CPE: variants seen among roughly 807,000 people sequenced by gnomAD.
CPE encodes the protein carbocypeptidase E.
In CPE, 17 loss-of-function variants were observed where a neutral mutation model predicts 53.5. That is an observed-to-expected ratio of 0.32 (90% CI 0.22 to 0.48). The LOEUF (loss-of-function observed/expected upper bound fraction) is 0.48, where lower values mean the gene tolerates loss of function less well. Among genes scored for constraint, CPE ranks in the 20% least tolerant of loss-of-function variants. CPE has a pLI of 0.99. For synonymous variants in CPE, 226 were observed against 228.8 expected, an observed-to-expected ratio of 0.99 and a Z score of 0.11; for missense variants, 524 against 614.7, an observed-to-expected ratio of 0.85 and a Z score of 1.56.
intron 1 of CPE, among the ~76,000 whole-genome samples, chr4:165,446,625 G>A (rs1179599592): frequency 1.3e-5 from 2 of 152,184 alleles, no homozygotes; most frequent in Non-Finnish European, 2.9e-5. Flanking sequence ...TGGGATTACA[G>A]GCATGAGCCA....
At chr4:165,395,520 A>C (rs1730749107) in intron 1 of CPE, among the ~76,000 whole-genome samples, 1 of 152,224 alleles carries the variant, frequency 6.6e-6, no homozygotes, top group Non-Finnish European at 1.5e-5. Context: ...CAGACTAATA[A>C]AAATGACTTA....
intron 3 of CPE, among the ~76,000 whole-genome samples, chr4:165,482,038 T>C (rs901873005): frequency 6.6e-6 from 1 of 152,218 alleles, no homozygotes; most frequent in Non-Finnish European, 1.5e-5. Flanking sequence ...TTTTGAAACA[T>C]TTTTTATTAA....
chr4:165,384,647 A>T (rs1403863280), intron 1 of CPE, among the ~76,000 whole-genome samples: 1 of 152,224 alleles, frequency 6.6e-6, no homozygotes, highest in Non-Finnish European at 1.5e-5. Flanking sequence ...ACAATAAAAA[A>T]GGGAGCTTAT....
rs1195800498 is a variant in CPE at position 165,487,381 on chromosome 4, G to A, written c.974-57G>A. 12 of 1,605,324 alleles carry A rather than the reference G, an allele frequency of 7.5e-6. No homozygotes were observed. In the Admixed American group the frequency reaches 1.7e-4, roughly 22 times the overall value. ...GGTTCTTGATTCAGAAGACTAGCCTGTGTAGAGTTTTAGGCTCCTTGTGCA... is the reference window on the plus strand; with the variant it reads ...GGTTCTTGATTCAGAAGACTAGCCTATGTAGAGTTTTAGGCTCCTTGTGCA... On this transcript the variant is annotated intron_variant, in intron 5 of 8. Transcript: ENST00000402744.
intron 1 of CPE, among the ~76,000 whole-genome samples, chr4:165,459,642 G>A (rs1257634170): frequency 2.9e-5 from 4 of 137,436 alleles, no homozygotes; most frequent in African/African-American, 1.1e-4. Context: ...GGTGGCTCAC[G>A]TCTGTAATCC....
intron 1 of CPE, among the ~76,000 whole-genome samples, chr4:165,444,614 C>T (rs942529242): frequency 6.6e-6 from 1 of 152,208 alleles, no homozygotes; most frequent in Non-Finnish European, 1.5e-5. Flanking sequence ...GCTATTGCTG[C>T]CCCAGCTTCT....
intron 1 of CPE, among the ~76,000 whole-genome samples, chr4:165,464,118 T>A (rs1452488875): frequency 6.6e-6 from 1 of 152,222 alleles, no homozygotes; most frequent in African/African-American, 2.4e-5. Flanking sequence ...AATTTAACCC[T>A]AATTACCTCC....
In CPE at chr4:165,379,071, T is replaced by A. The variant is rs1001192073; in HGVS notation, c.-151T>A. 7.3e-6 allele frequency: 5 copies of A among 680,488 alleles called. No individual in the cohort carries two copies. Among genetic ancestry groups the A allele is most frequent in the African/African-American group, 1.9e-5 (1 of 53,014 alleles). The allele number at this position is 680,488 out of a possible 1,614,324, so 42.2% of individuals were successfully genotyped here. ...CTCTGGGTGGCCCCAGTGCGCGGGC[T>A]GACACTCATTCAGCCGGGGAAGGTG... On this transcript the variant is annotated 5_prime_UTR_variant, in exon 1 of 9. Coordinates refer to ENST00000402744, the MANE Select transcript of CPE (RefSeq NM_001873.4). The surrounding 1 kb of genome is among the most constrained non-coding windows in gnomAD (Gnocchi z 6.0).
chr4:165,497,475 A>C, intron 8 of CPE, 37 bp from the exon 9 acceptor site: 2 of 1,169,674 alleles, frequency 1.7e-6, no homozygotes, highest in East Asian at 2.7e-5. Flanking sequence ...AAACACATGC[A>C]GTTTGATAAT....
intron 3 of CPE, among the ~76,000 whole-genome samples, chr4:165,469,709 G>A (rs2126703960): frequency 6.6e-6 from 1 of 152,196 alleles, no homozygotes; most frequent in African/African-American, 2.4e-5. Context: ...TTTCCCCTTT[G>A]ATTCTAGAAT....
chr4:165,442,853 C>T (rs1161457750), intron 1 of CPE, among the ~76,000 whole-genome samples: 2 of 152,164 alleles, frequency 1.3e-5, no homozygotes, highest in Non-Finnish European at 2.9e-5. Flanking sequence ...TAAGTCAGAG[C>T]ACTATGAGAA....
chr4:165,494,214 G>A (rs1284311455), intron 7 of CPE, among the ~76,000 whole-genome samples: 1 of 152,216 alleles, frequency 6.6e-6, no homozygotes, highest in Non-Finnish European at 1.5e-5. Flanking sequence ...GCCCTTAGCT[G>A]AGAGGGTGAA....
At chr4:165,425,858 C>T (rs1458382874) in intron 1 of CPE, among the ~76,000 whole-genome samples, 2 of 152,128 alleles carry the variant, frequency 1.3e-5, no homozygotes, top group African/African-American at 4.8e-5. Flanking sequence ...GCCATAGATG[C>T]TGCTAAATAT....
chr4:165,433,914 T>G (rs1305093891), intron 1 of CPE, among the ~76,000 whole-genome samples: 1 of 152,182 alleles, frequency 6.6e-6, no homozygotes, highest in African/African-American at 2.4e-5. Context: ...ATTTTGTACC[T>G]GTTCTTTGGC....
rs199819898 is a variant in CPE at position 165,482,340 on chromosome 4, A to G, written c.771A>G (p.Pro257=). 23 of 1,612,432 alleles carry G rather than the reference A, an allele frequency of 1.4e-5. No individual in the cohort carries two copies. In the East Asian group the frequency reaches 4.2e-4, roughly 30 times the overall value. ...GAGGAGACCTTGTGGCCAATTATCC[A>G]TATGATGAGACGCGGAGTGGTAGGT... is the stretch of plus-strand genomic sequence containing the variant. The part of the protein sequence containing the change: ...LHGGDLVANY[P]YDETRSGSAH... Residue 257 remains proline (P), a synonymous_variant, in exon 4 of 9, where the codon CCA becomes CCG. Coordinates refer to ENST00000402744, the MANE Select transcript of CPE (RefSeq NM_001873.4).
rs142574591 is a variant in CPE at position 165,492,374 on chromosome 4, T to C, written c.1114-797T>C. Among the ~76,000 whole-genome samples, 717 of 152,308 alleles carry C rather than the reference T, an allele frequency of 4.7e-3. 13 individuals are homozygous for C. The highest frequency in any genetic ancestry group is 0.016 in the African/African-American group (655 of 41,562). The stretch of plus-strand genomic sequence containing the variant: ...TAATTGACAGTAGCCATATAATGAA[T>C]ACACAGGTGACCAAAATTGAAAGAG... On this transcript the variant is annotated intron_variant, in intron 6 of 8. Transcript: ENST00000402744.
intron 1 of CPE, among the ~76,000 whole-genome samples, chr4:165,387,585 T>C (rs13110854): frequency 0.57 from 86,825 of 151,674 alleles, 25,859 homozygotes; most frequent in African/African-American, 0.74. Flanking sequence ...CCAAGGCGGG[T>C]GGATCACGAG....
chr4:165,399,905 GT>G (rs899661414), intron 1 of CPE, among the ~76,000 whole-genome samples: 1 of 152,194 alleles, frequency 6.6e-6, no homozygotes, highest in Non-Finnish European at 1.5e-5. Flanking sequence ...AATCATCAGT[GT>G]TATAATCCCA....
In CPE at chr4:165,447,579, AAAAAAG is replaced by A. The variant is rs1435381628; in HGVS notation, c.308-16806_308-16801del. ...GAGGGAGACTCTGTCTTTAAAAAAA[AAAAAAG>A]AAAAGAAAAGAAAAGAAAAGAAATA... is the stretch of plus-strand genomic sequence containing the variant. On this transcript the variant is annotated intron_variant, in intron 1 of 8. Coordinates refer to ENST00000402744, the MANE Select transcript of CPE (RefSeq NM_001873.4). Among the ~76,000 whole-genome samples, 12 of 151,818 alleles carry A rather than the reference AAAAAAG, an allele frequency of 7.9e-5. No homozygotes were observed. The East Asian group carries it at 9.6e-4, about 12-fold the overall frequency.
Sources: allele counts gnomAD v4.1 joint callset (sites outside exome capture counted in the v4.1 genomes callset), GRCh38; gene constraint gnomAD v4.1.1; non-coding constraint Gnocchi (gnomAD v3.1); transcripts MANE v1.5; gene names NCBI Gene and HGNC (gene_info 2026-07-23, HGNC 2026-07-21).